Variants in ABL1 observed in about 807,000 individuals in gnomAD.
ABL1 encodes ABL proto-oncogene 1, non-receptor tyrosine kinase.
In ABL1, 11 loss-of-function variants were observed where a neutral mutation model predicts 94.7. The observed-to-expected ratio is 0.12, with a 90% confidence interval of 0.07 to 0.19. The LOEUF is 0.19. Among genes scored for constraint, ABL1 ranks in the 10% least tolerant of loss-of-function variants. The probability of loss-of-function intolerance (pLI) is 1.00; values close to 1 mark genes in which losing one functional copy is unlikely to be tolerated. For synonymous variants in ABL1, 656 were observed against 622.4 expected (o/e 1.05, Z -0.80); for missense variants, 1,082 against 1,489.4 (o/e 0.73, Z 4.50).
Position 130,884,474 on chromosome 9 carries a change from C to T in ABL1, c.2184C>T (p.Asp728=), listed in dbSNP as rs1453737198. The T allele has an allele frequency of 6.2e-7, 1 of 1,613,088 alleles. No homozygotes were observed. Among genetic ancestry groups the T allele is most frequent in the African/African-American group, 1.3e-5 (1 of 75,070 alleles). Residue 728 remains aspartate (D), a synonymous_variant, in exon 11 of 11, where the codon GAC becomes GAT. Coordinates refer to ENST00000318560, the MANE Select transcript of ABL1 (RefSeq NM_005157.6). The surrounding 1 kb of genome is among the most constrained non-coding windows in gnomAD (Gnocchi z 5.6). Reference sequence around the variant, plus strand: ...CCTGCGTTCCCCATGGGGCCAAGGACACGGAGTGGAGGTCAGTCACGCTGC... The same window carrying T: ...CCTGCGTTCCCCATGGGGCCAAGGATACGGAGTGGAGGTCAGTCACGCTGC... ...SASCVPHGAK[D]TEWRSVTLPR...
At chr9:130,713,519 C>T (rs1218890869) in exon 1 of ABL1, among the ~76,000 whole-genome samples, 1 of 151,746 alleles carries the variant, frequency 6.6e-6, no homozygotes, top group African/African-American at 2.4e-5. Context: ...ATCCCGGCCC[C>T]AACTTTGGCC....
Position 130,872,897 on chromosome 9 carries a change from T to C in ABL1, c.945T>C (p.Thr315=). Residue 315 remains threonine, a synonymous_variant, in exon 6 of 11, where the codon ACT becomes ACC. Coordinates refer to ENST00000318560, the MANE Select transcript of ABL1 (RefSeq NM_005157.6). The surrounding 1 kb of genome is among the most constrained non-coding windows in gnomAD (Gnocchi z 5.0). ...CTREPPFYII[T]EFMTYGNLLD... ...GGGAGCCCCCGTTCTATATCATCAC[T>C]GAGTTCATGACCTACGGGAACCTCC... is the stretch of plus-strand genomic sequence containing the variant. 6.2e-7 allele frequency: 1 copy of C among 1,614,020 alleles called. No individual in the cohort carries two copies. The highest frequency in any genetic ancestry group is 8.5e-7 in the Non-Finnish European group (1 of 1,179,926).
At chr9:130,849,866 C>T (rs1308401400) in intron 1 of ABL1, among the ~76,000 whole-genome samples, 2 of 152,094 alleles carry the variant, frequency 1.3e-5, no homozygotes, top group East Asian at 3.8e-4. Context: ...TGGCTTTGCC[C>T]CATTTTTTCC....
At chr9:130,797,195 C>T (rs1233480218) in intron 1 of ABL1, among the ~76,000 whole-genome samples, 1 of 134,406 alleles carries the variant, frequency 7.4e-6, no homozygotes, top group African/African-American at 2.9e-5. Flanking sequence ...GAGATCGCGC[C>T]ACTGCATTCG....
chr9:130,719,144 G>A (rs1349804729), intron 1 of ABL1, among the ~76,000 whole-genome samples: 2 of 152,114 alleles, frequency 1.3e-5, no homozygotes, highest in African/African-American at 2.4e-5. Flanking sequence ...AGGTGGAATC[G>A]GAGAAAACTT....
At chr9:130,809,417 A>AGAGTGT (rs1389499231) in intron 1 of ABL1, among the ~76,000 whole-genome samples, 3 of 84,306 alleles carry the variant, frequency 3.6e-5, no homozygotes, top group Non-Finnish European at 8.0e-5. Context: ...AGAGAGAGAG[A>AGAGTGT]GTGTGTGTGT....
At chr9:130,716,497 G>C (rs1456346056) in intron 1 of ABL1, among the ~76,000 whole-genome samples, 1 of 152,124 alleles carries the variant, frequency 6.6e-6, no homozygotes, top group Non-Finnish European at 1.5e-5. Context: ...GGGTTAAAAA[G>C]GGGGGTATGC....
intron 1 of ABL1, among the ~76,000 whole-genome samples, chr9:130,748,569 T>G (rs2132723111): frequency 6.6e-6 from 1 of 151,202 alleles, no homozygotes; most frequent in East Asian, 2.0e-4. Flanking sequence ...TGAGCCACCA[T>G]GCCTAGCTAC....
At chr9:130,785,676 A>T (rs533211745) in intron 1 of ABL1, among the ~76,000 whole-genome samples, 1 of 152,144 alleles carries the variant, frequency 6.6e-6, no homozygotes, top group East Asian at 1.9e-4. Flanking sequence ...TAATCCCAGC[A>T]CTTCAGGAGG....
At chr9:130,777,375 T>A (rs1373083337) in intron 1 of ABL1, among the ~76,000 whole-genome samples, 1 of 152,240 alleles carries the variant, frequency 6.6e-6, no homozygotes, top group Non-Finnish European at 1.5e-5. Flanking sequence ...CTCTCAGGGC[T>A]TTGTGTTGGG....
intron 1 of ABL1, among the ~76,000 whole-genome samples, chr9:130,808,623 T>A (rs1588246917): frequency 6.6e-6 from 1 of 152,190 alleles, no homozygotes; most frequent in African/African-American, 2.4e-5. Context: ...CAGACTTGCC[T>A]CGCATTCATC....
chr9:130,840,996 C>T (rs148250260), intron 1 of ABL1, among the ~76,000 whole-genome samples: 151 of 152,252 alleles, frequency 9.9e-4, no homozygotes, highest in African/African-American at 3.5e-3. Context: ...GTAACTTTGT[C>T]CTCAGATGGG....
upstream of ABL1, among the ~76,000 whole-genome samples, chr9:130,833,106 T>A (rs113858225): frequency 2.1e-5 from 3 of 142,686 alleles, no homozygotes; most frequent in African/African-American, 8.2e-5. Context: ...CTTAAAAAAA[T>A]AAACATATAC....
At position 130,777,195 on chromosome 9, in the gene ABL1, G is replaced by T. The variant is rs116811359; in HGVS notation, c.136+62740G>T. Among the ~76,000 whole-genome samples the T allele has an allele frequency of 4.2e-3, 639 of 152,242 alleles. 8 individuals are homozygous for T. Among genetic ancestry groups the T allele is most frequent in the African/African-American group, 0.014 (601 of 41,526 alleles). On this transcript the variant is annotated intron_variant, in intron 1 of 10. Transcript: ENST00000372348. ...CCTTCAGGATAATCTGTTCATCTTGGTCTTTTTCTGTGATGCTCTAGGCTT... is the reference window on the plus strand; with the variant it reads ...CCTTCAGGATAATCTGTTCATCTTGTTCTTTTTCTGTGATGCTCTAGGCTT...
intron 1 of ABL1, among the ~76,000 whole-genome samples, chr9:130,815,637 C>G (rs1170951161): frequency 6.6e-6 from 1 of 152,146 alleles, no homozygotes; most frequent in Non-Finnish European, 1.5e-5. Flanking sequence ...AGTTTCTTCT[C>G]CCTACAGCAG....
At chr9:130,790,247 A>C (rs537037721) in intron 1 of ABL1, among the ~76,000 whole-genome samples, 48 of 152,364 alleles carry the variant, frequency 3.2e-4, no homozygotes, top group African/African-American at 1.1e-3. Context: ...ATGCTGGCAC[A>C]TAGCAGCACA....
intron 4 of ABL1, among the ~76,000 whole-genome samples, chr9:130,866,615 C>CCTTG (rs1564316727): frequency 6.6e-6 from 1 of 152,128 alleles, no homozygotes; most frequent in African/African-American, 2.4e-5. Context: ...AGTCAAGCAA[C>CCTTG]CTTGGGTCAT....
At chr9:130,735,961 A>ATAT (rs573602038) in intron 1 of ABL1, among the ~76,000 whole-genome samples, 4,105 of 94,502 alleles carry the variant, frequency 0.043, 146 homozygotes, top group Non-Finnish European at 0.057. Flanking sequence ...ATATATATAT[A>ATAT]TTTTTTTTTT....
In ABL1 at chr9:130,771,753, T is replaced by C. The variant is rs1055398007; in HGVS notation, c.136+57298T>C. On this transcript the variant is annotated intron_variant, in intron 1 of 10. Coordinates refer to the ABL1 transcript ENST00000372348. ...GACTTTTTCTTTCTTTCTTTCTTTC[T>C]TTTTTTTTTTTTTTTTTTGAGACAG... 3.4e-4 allele frequency among the ~76,000 whole-genome samples: 17 copies of C among 50,664 alleles called. No individual in the cohort carries two copies. The South Asian group carries it at 0.015, about 45-fold the overall frequency. The allele number at this position is 50,664 out of a possible 152,430, so 33.2% of individuals were successfully genotyped here.
Sources: gnomAD v4.1 joint callset for allele counts (sites outside exome capture counted in the v4.1 genomes callset) on GRCh38, gnomAD v4.1.1 for gene constraint, Gnocchi (gnomAD v3.1) non-coding constraint, MANE v1.5 for transcripts, NCBI Gene and HGNC (gene_info 2026-07-23, HGNC 2026-07-21) for gene names.